MYO5B: variants seen among roughly 807,000 people sequenced by gnomAD.
MYO5B encodes the protein myosin VB, also known as unconventional myosin-Vb.
MYO5B carries 143 observed loss-of-function variants against 229.3 expected under a neutral mutation model. That is an observed-to-expected ratio of 0.62 (90% CI 0.54 to 0.72). MYO5B has a LOEUF of 0.72. MYO5B is among the 30% of genes least tolerant of loss of function. The probability of loss-of-function intolerance (pLI) is 0.00; values close to 1 mark genes in which losing one functional copy is unlikely to be tolerated. For missense variants in MYO5B, 2,321 were observed against 2,331.0 expected (o/e 1.00, Z 0.09); for synonymous variants, 918 against 885.2 (o/e 1.04, Z -0.66).
At chr18:50,014,461 T>C (rs890238012) in intron 4 of MYO5B, among the ~76,000 whole-genome samples, 1 of 152,200 alleles carries the variant, frequency 6.6e-6, no homozygotes, top group Non-Finnish European at 1.5e-5. Flanking sequence ...GTATTAATGA[T>C]CCCTTAACTC....
intron 22 of MYO5B, among the ~76,000 whole-genome samples, chr18:49,891,789 C>T (rs1190256538): frequency 6.6e-6 from 1 of 152,246 alleles, no homozygotes; most frequent in Non-Finnish European, 1.5e-5. Flanking sequence ...GAAATCAAAA[C>T]CTTTATAACT....
intron 1 of MYO5B, among the ~76,000 whole-genome samples, chr18:50,129,158 T>C (rs906686856): frequency 9.2e-5 from 14 of 152,114 alleles, no homozygotes; most frequent in African/African-American, 2.9e-4. Context: ...CGGAGAGGGA[T>C]GGAGGGCTGG....
intron 1 of MYO5B, among the ~76,000 whole-genome samples, chr18:50,153,929 C>T (rs1272476810): frequency 6.6e-6 from 1 of 152,086 alleles, no homozygotes; most frequent in Non-Finnish European, 1.5e-5. Context: ...ACCTCTCCAC[C>T]ACCTGTAATT....
intron 4 of MYO5B, among the ~76,000 whole-genome samples, chr18:50,013,249 A>G (rs1012458438): frequency 1.3e-5 from 2 of 152,208 alleles, no homozygotes; most frequent in African/African-American, 2.4e-5. Flanking sequence ...TAACAAAACT[A>G]AAATTGAAGA....
At chr18:49,940,957 T>C (rs1285174437) in intron 14 of MYO5B, among the ~76,000 whole-genome samples, 2 of 152,244 alleles carry the variant, frequency 1.3e-5, no homozygotes, top group Non-Finnish European at 2.9e-5. Context: ...TACCTCATTC[T>C]TAGTTATTAC....
At chr18:49,978,840 A>C (rs1229373081) in intron 9 of MYO5B, among the ~76,000 whole-genome samples, 1 of 152,008 alleles carries the variant, frequency 6.6e-6, no homozygotes, top group African/African-American at 2.4e-5. Flanking sequence ...GGCGGGCTGG[A>C]GGTCCACAGA....
chr18:50,048,520 A>G (rs913089071), intron 2 of MYO5B, among the ~76,000 whole-genome samples: 1 of 152,188 alleles, frequency 6.6e-6, no homozygotes, highest in African/African-American at 2.4e-5. Flanking sequence ...AGGGCACAGC[A>G]AACTCCTGTG....
At chr18:49,989,352 T>C (rs2025904807) in intron 7 of MYO5B, among the ~76,000 whole-genome samples, 1 of 152,124 alleles carries the variant, frequency 6.6e-6, no homozygotes, top group African/African-American at 2.4e-5. Flanking sequence ...CAGCCAAGCC[T>C]CAGATGTCTG....
At chr18:49,966,296 T>G (rs145140378) in intron 10 of MYO5B, among the ~76,000 whole-genome samples, 33 of 152,210 alleles carry the variant, frequency 2.2e-4, no homozygotes, top group African/African-American at 7.5e-4. Context: ...TGCCCACGTG[T>G]GAGAAATAAT....
chr18:50,149,866 A>G (rs909543130), intron 1 of MYO5B, among the ~76,000 whole-genome samples: 7 of 150,422 alleles, frequency 4.7e-5, no homozygotes, highest in Admixed American at 4.0e-4. Context: ...TCTGCACAGC[A>G]AAAGAAACTA....
intron 33 of MYO5B, among the ~76,000 whole-genome samples, chr18:49,846,688 C>T (rs2024131824): frequency 6.6e-6 from 1 of 152,064 alleles, no homozygotes; most frequent in Non-Finnish European, 1.5e-5. Context: ...CTGTTTCCTT[C>T]AGTGTAAAAT....
At chr18:49,873,104 C>G (rs1021944551) in intron 26 of MYO5B, among the ~76,000 whole-genome samples, 2 of 152,236 alleles carry the variant, frequency 1.3e-5, no homozygotes, top group Non-Finnish European at 2.9e-5. Flanking sequence ...TGCTGTCTGA[C>G]ATCAGAACTC....
intron 1 of MYO5B, among the ~76,000 whole-genome samples, chr18:50,156,397 C>T (rs2032679937): frequency 6.6e-6 from 1 of 152,124 alleles, no homozygotes; most frequent in South Asian, 2.1e-4. Flanking sequence ...AGCAGTTTCC[C>T]CCATTCTGTT....
chr18:49,873,079 C>T (rs1221395784), intron 26 of MYO5B, among the ~76,000 whole-genome samples: 1 of 152,202 alleles, frequency 6.6e-6, no homozygotes, highest in Non-Finnish European at 1.5e-5. Context: ...AGAGATGGCC[C>T]ACAACACTCT....
chr18:49,896,812 G>T (rs2024784287), intron 21 of MYO5B, among the ~76,000 whole-genome samples: 1 of 152,150 alleles, frequency 6.6e-6, no homozygotes, highest in Non-Finnish European at 1.5e-5. Context: ...GGAGTTGAGT[G>T]GCTGGAGCTG....
At chr18:49,964,122 A>T (rs572023182) in intron 10 of MYO5B, among the ~76,000 whole-genome samples, 122 of 152,242 alleles carry the variant, frequency 8.0e-4, no homozygotes, top group South Asian at 3.3e-3. Context: ...TAGGATGCTA[A>T]CCTAAAGAAA....
chr18:50,104,292 C>A lies in MYO5B; in HGVS notation c.28-48914G>T, dbSNP rs867077165. Among the ~76,000 whole-genome samples the A allele has an allele frequency of 3.4e-3, 391 of 114,742 alleles. 1 individual carries two copies. Among genetic ancestry groups the A allele is most frequent in the African/African-American group, 0.011 (348 of 30,694 alleles). The allele number at this position is 114,742 out of a possible 152,430, so 75.3% of individuals were successfully genotyped here. ...TATATATATATATATATATATATAT[C>A]TCATAAATCTCAAAAAAATTTAAAA... On this transcript the variant is annotated intron_variant, in intron 1 of 39. Coordinates refer to ENST00000285039, the MANE Select transcript of MYO5B (RefSeq NM_001080467.3).
chr18:49,877,900 C>T lies in MYO5B; in HGVS notation c.3277-18G>A, dbSNP rs755321128. 38 of 1,613,854 alleles carry T rather than the reference C, an allele frequency of 2.4e-5. No individual in the cohort carries two copies. The highest frequency in any genetic ancestry group is 1.3e-4 in the South Asian group (12 of 91,084). On this transcript the variant is annotated intron_variant, in intron 24 of 39. Coordinates refer to ENST00000285039, the MANE Select transcript of MYO5B (RefSeq NM_001080467.3). ...GGAGTTTGCTGTTCAACAAGAAAAACGTGATAGCTCATTAGGAACTAATGT... is the reference window on the plus strand; with the variant it reads ...GGAGTTTGCTGTTCAACAAGAAAAATGTGATAGCTCATTAGGAACTAATGT...
chr18:50,038,970 T>A (rs553652377), intron 3 of MYO5B, among the ~76,000 whole-genome samples: 3 of 152,200 alleles, frequency 2.0e-5, no homozygotes, highest in Non-Finnish European at 2.9e-5. Flanking sequence ...ATCAACTTGC[T>A]ATCGACAGCT....
Sources: gnomAD v4.1 joint callset for allele counts (sites outside exome capture counted in the v4.1 genomes callset) on GRCh38, gnomAD v4.1.1 for gene constraint, MANE v1.5 for transcripts, NCBI Gene and HGNC (gene_info 2026-07-23, HGNC 2026-07-21) for gene names.